PPM1E: variants seen among roughly 807,000 people sequenced by gnomAD.
The protein encoded by PPM1E is protein phosphatase 1E.
In PPM1E, 20 loss-of-function variants were observed where a neutral mutation model predicts 65.9. That is an observed-to-expected ratio of 0.30 (90% CI 0.21 to 0.44). PPM1E has a LOEUF of 0.44. Ranked by LOEUF, PPM1E falls within the 20% of genes least tolerant of loss-of-function variation. PPM1E has a pLI of 1.00. For missense variants in PPM1E, 713 were observed against 953.1 expected, an observed-to-expected ratio of 0.75 and a Z score of 3.32; for synonymous variants, 352 against 374.9, an observed-to-expected ratio of 0.94 and a Z score of 0.70.
intron 1 of PPM1E, among the ~76,000 whole-genome samples, chr17:58,885,268 G>T (rs932372979): frequency 2.6e-5 from 4 of 152,092 alleles, no homozygotes; most frequent in Non-Finnish European, 5.9e-5. Flanking sequence ...TGTTGGCCAG[G>T]CTGGTCTCAA....
rs1352542080 is a variant in PPM1E, at chr17:58,803,441, T to C, written c.464+46980T>C. Among the ~76,000 whole-genome samples the C allele has an allele frequency of 2.6e-5, 4 of 152,208 alleles. 1 individual carries two copies. Among genetic ancestry groups the C allele is most frequent in the Admixed American group, 1.3e-4 (2 of 15,278 alleles). On this transcript the variant is annotated intron_variant, in intron 1 of 6. Transcript: ENST00000308249. ...AGGGATAAATCGCACCTGATCATGG[T>C]GCATAGTCTTTTTAATGTGCTACTG...
intron 1 of PPM1E, among the ~76,000 whole-genome samples, chr17:58,927,233 T>G (rs766293856): frequency 4.0e-4 from 60 of 151,474 alleles, no homozygotes; most frequent in Non-Finnish European, 6.2e-4. Context: ...TTCACGCCAT[T>G]CTCCTGCCTC....
chr17:58,853,599 G>T (rs2050851257), intron 1 of PPM1E, among the ~76,000 whole-genome samples: 1 of 152,106 alleles, frequency 6.6e-6, no homozygotes, highest in Admixed American at 6.5e-5. Flanking sequence ...AGGCTGGGAT[G>T]GGTGGATCAC....
In PPM1E at chr17:58,766,784, GT is replaced by G. The variant is rs576548775; in HGVS notation, c.464+10325del. Reference sequence around the variant, plus strand: ...TTTTGCAAAAGGAATGATCTCTTAAGTTCTGAGATTTGATTTCTGGCAACTC... The same window carrying G: ...TTTTGCAAAAGGAATGATCTCTTAAGTCTGAGATTTGATTTCTGGCAACTC... On this transcript the variant is annotated intron_variant, in intron 1 of 6. Transcript: ENST00000308249. 2.0e-4 allele frequency among the ~76,000 whole-genome samples: 30 copies of G among 152,154 alleles called. No individual in the cohort carries two copies. The East Asian group carries it at 4.8e-3, about 25-fold the overall frequency.
chr17:58,902,171 C>T (rs1223548832), intron 1 of PPM1E, among the ~76,000 whole-genome samples: 2 of 151,636 alleles, frequency 1.3e-5, no homozygotes, highest in Admixed American at 6.6e-5. Flanking sequence ...AAAAATAGAC[C>T]TGTATACAGA....
chr17:58,961,535 C>G (rs1011933440), intron 2 of PPM1E, among the ~76,000 whole-genome samples: 1 of 152,132 alleles, frequency 6.6e-6, no homozygotes, highest in East Asian at 1.9e-4. Flanking sequence ...TAATAGACAG[C>G]GTGAACAAAG....
chr17:58,962,594 C>G (rs2030068126), intron 2 of PPM1E, among the ~76,000 whole-genome samples: 1 of 152,178 alleles, frequency 6.6e-6, no homozygotes, highest in Non-Finnish European at 1.5e-5. Context: ...GTGATACAAG[C>G]AGGTAATTGC....
chr17:58,907,216 A>G (rs969856418), intron 1 of PPM1E, among the ~76,000 whole-genome samples: 2 of 152,032 alleles, frequency 1.3e-5, no homozygotes, highest in African/African-American at 4.8e-5. Context: ...ACCGTACTCC[A>G]GACTGGGAGA....
At chr17:58,760,994 A>G (rs1183616842) in intron 1 of PPM1E, among the ~76,000 whole-genome samples, 1 of 152,210 alleles carries the variant, frequency 6.6e-6, no homozygotes, top group African/African-American at 2.4e-5. Context: ...TCCCAGCATG[A>G]ATGTGTGGAT....
chr17:58,840,824 G>A (rs1201931092), intron 1 of PPM1E, among the ~76,000 whole-genome samples: 2 of 152,152 alleles, frequency 1.3e-5, no homozygotes, highest in Non-Finnish European at 2.9e-5. Flanking sequence ...CGTCATCAGT[G>A]GTAAAATAAT....
intron 1 of PPM1E, among the ~76,000 whole-genome samples, chr17:58,914,322 C>T (rs1326746567): frequency 6.6e-6 from 1 of 152,162 alleles, no homozygotes; most frequent in Non-Finnish European, 1.5e-5. Flanking sequence ...CCACTAATGT[C>T]CTTTTTCTGT....
At chr17:58,827,297 C>A (rs962857746) in intron 1 of PPM1E, among the ~76,000 whole-genome samples, 1 of 151,852 alleles carries the variant, frequency 6.6e-6, no homozygotes, top group South Asian at 2.1e-4. Context: ...GCCACCATGC[C>A]CAGCTAATTT....
chr17:58,959,197 T>C (rs2029946314), intron 2 of PPM1E, among the ~76,000 whole-genome samples: 1 of 150,824 alleles, frequency 6.6e-6, no homozygotes. Flanking sequence ...TAGTCCCAGC[T>C]ACTTGGGAGG....
intron 1 of PPM1E, among the ~76,000 whole-genome samples, chr17:58,762,067 C>T (rs1208130902): frequency 2.0e-5 from 3 of 152,020 alleles, no homozygotes; most frequent in Non-Finnish European, 4.4e-5. Context: ...GGGGGTTGAC[C>T]GTGGCATCCT....
intron 1 of PPM1E, among the ~76,000 whole-genome samples, chr17:58,861,384 TAC>T (rs2050940797): frequency 6.6e-6 from 1 of 152,210 alleles, no homozygotes; most frequent in South Asian, 2.1e-4. Context: ...TTCATTTAGA[TAC>T]AGGCCTGGTT....
chr17:58,945,946 A>C (rs1198736794), intron 1 of PPM1E, among the ~76,000 whole-genome samples: 1 of 152,184 alleles, frequency 6.6e-6, no homozygotes, highest in Non-Finnish European at 1.5e-5. Flanking sequence ...AAGGATTTGC[A>C]TGGAGGCTTC....
intron 1 of PPM1E, among the ~76,000 whole-genome samples, chr17:58,919,613 CT>C (rs1281284618): frequency 6.6e-6 from 1 of 151,958 alleles, no homozygotes; most frequent in Non-Finnish European, 1.5e-5. Flanking sequence ...TGGAGAAACC[CT>C]GTCTCTACTA....
At chr17:58,918,550 A>ATTTGGGAGGC (rs1430017978) in intron 1 of PPM1E, among the ~76,000 whole-genome samples, 1 of 152,138 alleles carries the variant, frequency 6.6e-6, no homozygotes, top group Non-Finnish European at 1.5e-5. Flanking sequence ...TGCATCTTGT[A>ATTTGGGAGGC]ATCCTAGCAC....
At chr17:58,839,335 T>A (rs963300360) in intron 1 of PPM1E, among the ~76,000 whole-genome samples, 23 of 151,808 alleles carry the variant, frequency 1.5e-4, no homozygotes, top group African/African-American at 5.1e-4. Context: ...AAAAAAAAAT[T>A]TTTTTAAGGA....
Sources: gnomAD v4.1 joint callset for allele counts (sites outside exome capture counted in the v4.1 genomes callset) on GRCh38, gnomAD v4.1.1 for gene constraint, MANE v1.5 for transcripts, NCBI Gene and HGNC (gene_info 2026-07-23, HGNC 2026-07-21) for gene names.